CCDC178: variants seen among roughly 807,000 people sequenced by gnomAD.
CCDC178 encodes the protein coiled-coil domain-containing protein 178.
In CCDC178, 126 loss-of-function variants were observed where a neutral mutation model predicts 117.4. The ratio of observed to expected loss-of-function variants is 1.07; its 90% CI spans 0.93 to 1.24. The LOEUF is 1.24. Among genes scored for constraint, CCDC178 ranks in the 50% most tolerant of loss-of-function variants. The probability of loss-of-function intolerance (pLI) is 0.00; values close to 1 mark genes in which losing one functional copy is unlikely to be tolerated. For missense variants in CCDC178, 1,030 were observed against 986.9 expected, an observed-to-expected ratio of 1.04 and a Z score of -0.59; for synonymous variants, 283 against 313.4, an observed-to-expected ratio of 0.90 and a Z score of 1.02.
At chr18:33,116,005 A>G (rs1253793246) in intron 20 of CCDC178, among the ~76,000 whole-genome samples, 1 of 152,150 alleles carries the variant, frequency 6.6e-6, no homozygotes, top group East Asian at 1.9e-4. Flanking sequence ...AATAAAAAAT[A>G]TTACCACAAA....
intron 14 of CCDC178, among the ~76,000 whole-genome samples, chr18:33,261,676 T>C (rs1420405678): frequency 6.6e-6 from 1 of 152,176 alleles, no homozygotes; most frequent in African/African-American, 2.4e-5. Context: ...CATTTAAATA[T>C]TCCATAGGGC....
chr18:33,423,179 A>G (rs1277035442), intron 2 of CCDC178, among the ~76,000 whole-genome samples: 1 of 152,180 alleles, frequency 6.6e-6, no homozygotes, highest in Admixed American at 6.5e-5. Context: ...AAAAATAGTT[A>G]ATAATACAAT....
chr18:33,317,094 G>A (rs2144981286), intron 11 of CCDC178, among the ~76,000 whole-genome samples: 1 of 152,258 alleles, frequency 6.6e-6, no homozygotes, highest in Admixed American at 6.5e-5. Flanking sequence ...GCCAGCAGTG[G>A]CAACCTGCTT....
At chr18:32,948,272 T>G (rs1307415155) in intron 22 of CCDC178, among the ~76,000 whole-genome samples, 1 of 152,148 alleles carries the variant, frequency 6.6e-6, no homozygotes, top group Non-Finnish European at 1.5e-5. Flanking sequence ...GTGTTGAATC[T>G]TTAGATCAAT....
intron 5 of CCDC178, among the ~76,000 whole-genome samples, chr18:33,372,564 C>G (rs1031291557): frequency 6.6e-6 from 1 of 152,038 alleles, no homozygotes; most frequent in African/African-American, 2.4e-5. Flanking sequence ...TTAAGCTCGG[C>G]GAGACTTTCA....
intron 21 of CCDC178, among the ~76,000 whole-genome samples, chr18:33,035,853 G>A (rs2056434537): frequency 6.6e-6 from 1 of 151,622 alleles, no homozygotes; most frequent in South Asian, 2.1e-4. Flanking sequence ...TCACAATCTG[G>A]GAGAAAAATA....
At position 33,245,344 on chromosome 18, in the gene CCDC178, G is replaced by C. The variant is rs1488657193; in HGVS notation, c.1494C>G (p.Ile498Met). The change falls in exon 15 of 23, where the codon ATC (isoleucine) becomes ATG (methionine). Residue 498 changes from isoleucine to methionine, a missense_variant. Coordinates refer to ENST00000383096, the MANE Select transcript of CCDC178 (RefSeq NM_001105528.4). ...TACCAATGCGATAAGCCTCCTTATAGATGTTCTTGAGATGTTTATCATTCT... is the reference window on the plus strand; with the variant it reads ...TACCAATGCGATAAGCCTCCTTATACATGTTCTTGAGATGTTTATCATTCT... The part of the protein sequence containing the change: ...KLKNDKHLKN[I>M]YKEAYRIGTL... 6.2e-7 allele frequency: 1 copy of C among 1,608,558 alleles called. No homozygotes were observed. Among genetic ancestry groups the C allele is most frequent in the South Asian group, 1.1e-5 (1 of 89,850 alleles).
chr18:33,410,764 T>C (rs1166578668), intron 3 of CCDC178, among the ~76,000 whole-genome samples: 11 of 152,170 alleles, frequency 7.2e-5, no homozygotes, highest in Admixed American at 5.9e-4. Flanking sequence ...CTCCTACCCA[T>C]AGATCTGTGC....
intron 22 of CCDC178, among the ~76,000 whole-genome samples, chr18:32,945,051 C>A (rs969756588): frequency 6.6e-6 from 1 of 152,062 alleles, no homozygotes; most frequent in African/African-American, 2.4e-5. Context: ...AATATTCTAG[C>A]TAGTCATTCA....
At chr18:33,339,027 T>C (rs552211606) in intron 9 of CCDC178, among the ~76,000 whole-genome samples, 73 of 152,178 alleles carry the variant, frequency 4.8e-4, no homozygotes, top group African/African-American at 1.6e-3. Context: ...ACAGGGATAT[T>C]TGAAAAGATA....
chr18:33,141,394 T>G (rs1271143153), intron 20 of CCDC178, among the ~76,000 whole-genome samples: 1 of 152,214 alleles, frequency 6.6e-6, no homozygotes, highest in East Asian at 1.9e-4. Flanking sequence ...AAACATATTC[T>G]GCAAAATCCT....
intron 2 of CCDC178, among the ~76,000 whole-genome samples, chr18:33,435,409 T>C (rs1248901219): frequency 3.9e-5 from 6 of 152,148 alleles, no homozygotes; most frequent in Non-Finnish European, 8.8e-5. Flanking sequence ...CATATCCTCA[T>C]TTCCCATGCA....
chr18:33,326,671 GTTTT>G (rs370026418), intron 10 of CCDC178, among the ~76,000 whole-genome samples: 1 of 151,074 alleles, frequency 6.6e-6, no homozygotes, highest in African/African-American at 2.4e-5. Flanking sequence ...TTGTTTTTGG[GTTTT>G]TTTTCTTTTT....
At chr18:33,055,846 C>G (rs937020301) in intron 21 of CCDC178, among the ~76,000 whole-genome samples, 1 of 151,574 alleles carries the variant, frequency 6.6e-6, no homozygotes, top group Non-Finnish European at 1.5e-5. Context: ...GCTCTGTCAC[C>G]CAGGCCGGAG....
chr18:33,129,882 T>C (rs1243552544), intron 20 of CCDC178, among the ~76,000 whole-genome samples: 6 of 152,010 alleles, frequency 3.9e-5, no homozygotes, highest in Non-Finnish European at 8.8e-5. Flanking sequence ...TTACTTTGCA[T>C]TGGAGTCTAT....
intron 11 of CCDC178, among the ~76,000 whole-genome samples, chr18:33,301,587 A>T (rs2062177315): frequency 6.6e-6 from 1 of 152,208 alleles, no homozygotes; most frequent in Non-Finnish European, 1.5e-5. Flanking sequence ...TCAAGGTCTT[A>T]AAAACTGACC....
At chr18:33,083,504 T>C (rs1381523187) in intron 21 of CCDC178, among the ~76,000 whole-genome samples, 1 of 152,240 alleles carries the variant, frequency 6.6e-6, no homozygotes, top group Admixed American at 6.5e-5. Context: ...ATTATGCTAA[T>C]CTGGTGGGTG....
intron 20 of CCDC178, among the ~76,000 whole-genome samples, chr18:33,165,881 T>C (rs11874106): frequency 0.074 from 11,271 of 152,234 alleles, 1,406 homozygotes; most frequent in African/African-American, 0.26. Context: ...TTAATATCAA[T>C]TTTATTTTAC....
intron 11 of CCDC178, among the ~76,000 whole-genome samples, chr18:33,312,533 T>C (rs1213833685): frequency 6.6e-6 from 1 of 152,098 alleles, no homozygotes; most frequent in African/African-American, 2.4e-5. Flanking sequence ...AGACGAGGAA[T>C]TGCCCTAGGA....
Sources: allele counts gnomAD v4.1 joint callset (sites outside exome capture counted in the v4.1 genomes callset), GRCh38; gene constraint gnomAD v4.1.1; transcripts MANE v1.5; gene names NCBI Gene and HGNC (gene_info 2026-07-23, HGNC 2026-07-21).